The following USP42 variants were observed in gnomAD, a reference collection of about 807,000 sequenced individuals.
The protein encoded by USP42 is ubiquitin carboxyl-terminal hydrolase 42.
USP42 carries 23 observed loss-of-function variants against 113.0 expected under a neutral mutation model. That is an observed-to-expected ratio of 0.20 (90% confidence interval 0.15 to 0.29). USP42 has a LOEUF of 0.29. USP42 is among the 10% of genes least tolerant of loss of function. USP42 has a pLI of 1.00. For synonymous variants in USP42, 933 were observed against 699.0 expected, an observed-to-expected ratio of 1.33 and a Z score of -5.28; for missense variants, 2,174 against 1,779.8, an observed-to-expected ratio of 1.22 and a Z score of -3.99.
chr7:6,090,083 T>C, the USP42 span, among the ~76,000 whole-genome samples: 3 of 147,642 alleles, frequency 2.0e-5, no homozygotes, highest in Admixed American at 6.7e-5. Context: ...GCAGATCACC[T>C]GAGATCGGGA....
At chr7:6,141,201 C>CTTTTTTTTTTTTT (rs903124477) in intron 7 of USP42, among the ~76,000 whole-genome samples, 4 of 123,998 alleles carry the variant, frequency 3.2e-5, no homozygotes, top group Non-Finnish European at 5.1e-5. Flanking sequence ...TTTTTCTTTT[C>CTTTTTTTTTTTTT]TTTTTTTTTT....
the USP42 span, among the ~76,000 whole-genome samples, chr7:6,096,772 T>G: frequency 3.3e-5 from 5 of 151,218 alleles, no homozygotes; most frequent in Admixed American, 2.6e-4. Context: ...GCCCTGTGTT[T>G]TATTAGCCAT....
intron 2 of USP42, among the ~76,000 whole-genome samples, chr7:6,113,959 A>C (rs559687623): frequency 3.9e-5 from 6 of 152,212 alleles, no homozygotes; most frequent in Non-Finnish European, 7.3e-5. Flanking sequence ...GGGACTGCCA[A>C]AGCCTTTGAA....
At chr7:6,103,738 C>A (rs78350515), upstream of USP42, among the ~76,000 whole-genome samples, 287 of 100,780 alleles carry the variant, frequency 2.8e-3, no homozygotes, top group African/African-American at 4.5e-3. Flanking sequence ...CCCGTCTCTA[C>A]AAAAAAAAAA....
rs1283004944 is a variant in USP42, at chr7:6,150,036, G to A, written c.1840G>A (p.Asp614Asn). The change falls in exon 13 of 18, where the codon GAC becomes AAC. Residue 614 changes from aspartate (D) to asparagine (N), a missense_variant. Asp to Asn is a conservative substitution (Grantham distance 23). Transcript: ENST00000306177. ...LVPYGAESSE[D>N]SDEESKGLGK... ...GCCCTATGGCGCCGAGTCCTCTGAG[G>A]ACTCTGACGAGGAGTCAAAGGGGCT... 1 of 1,611,492 alleles carries A rather than the reference G, an allele frequency of 6.2e-7. No individual in the cohort carries two copies. Among genetic ancestry groups the A allele is most frequent in the Non-Finnish European group, 8.5e-7 (1 of 1,178,686 alleles).
intron 2 of USP42, among the ~76,000 whole-genome samples, chr7:6,115,095 T>G (rs771302143): frequency 3.7e-4 from 57 of 152,132 alleles, no homozygotes; most frequent in Non-Finnish European, 6.0e-4. Context: ...TCTGTAACCC[T>G]CTCCCCTTTC....
At position 6,145,746 on chromosome 7, in the gene USP42, T is replaced by C; in HGVS notation, c.1131+90T>C. ...TTGGGGTAGGGAGAGGTGGAACTTT[T>C]ACAGTTAAAATGTGAATACCCGAGG... is the stretch of plus-strand genomic sequence containing the variant. On this transcript the variant is annotated intron_variant, in intron 10 of 17. Coordinates refer to ENST00000306177, the MANE Select transcript of USP42 (RefSeq NM_032172.3). 7 of 1,420,810 alleles carry C rather than the reference T, an allele frequency of 4.9e-6. No individual in the cohort carries two copies. The Admixed American group carries it at 6.2e-5, about 13-fold the overall frequency. The allele number at this position is 1,420,810 out of a possible 1,614,324, so 88.0% of individuals were successfully genotyped here.
the USP42 span, among the ~76,000 whole-genome samples, chr7:6,096,714 T>C: frequency 1.7e-3 from 261 of 151,250 alleles, 2 homozygotes; most frequent in Non-Finnish European, 3.0e-3. Context: ...AGATCCTCCT[T>C]GTCTGCTTAC....
chr7:6,140,978 G>C lies in USP42; in HGVS notation c.789G>C (p.Glu263Asp). Reference sequence around the variant, plus strand: ...ATCCATATCTTGATATAACATTGGAGATAAAGGTAAATTTCATAATTATGG... The same window carrying C: ...ATCCATATCTTGATATAACATTGGACATAAAGGTAAATTTCATAATTATGG... ...TFDPYLDITL[E>D]IKAAQSVNKA... is the part of the protein sequence containing the mutation. Residue 263 changes from glutamate to aspartate, a missense_variant, in exon 7 of 18, where the codon GAG becomes GAC. Transcript: ENST00000306177. 6.6e-7 allele frequency: 1 copy of C among 1,509,498 alleles called. No individual in the cohort carries two copies. Among genetic ancestry groups the C allele is most frequent in the African/African-American group, 1.4e-5 (1 of 71,528 alleles). The allele number at this position is 1,509,498 out of a possible 1,614,324, so 93.5% of individuals were successfully genotyped here. A position where few individuals can be genotyped will look rare whatever the true frequency, so the allele number is the denominator to read the frequency against.
chr7:6,085,397 T>A, the USP42 span: 1 of 150,732 alleles, frequency 6.6e-6, no homozygotes, highest in African/African-American at 2.5e-5. Context: ...AATCCTGGGA[T>A]TTTAGGCGTG....
chr7:6,146,904 G>C (rs1781747333), intron 11 of USP42, among the ~76,000 whole-genome samples: 1 of 152,176 alleles, frequency 6.6e-6, no homozygotes, highest in Non-Finnish European at 1.5e-5. Context: ...CACCTGGCGT[G>C]GTCACAGCCA....
At chr7:6,099,562 G>A in the USP42 span, among the ~76,000 whole-genome samples, 13 of 150,464 alleles carry the variant, frequency 8.6e-5, 1 homozygote, top group South Asian at 1.2e-3. Context: ...TGGGCAGGCG[G>A]GTCTCAAACT....
At chr7:6,115,125 C>T (rs1193544342) in intron 2 of USP42, among the ~76,000 whole-genome samples, 198 bp from the exon 3 acceptor site, 5 of 152,116 alleles carry the variant, frequency 3.3e-5, no homozygotes, top group African/African-American at 4.8e-5. Context: ...AGTTTGTTTA[C>T]TGGAGAAACC....
chr7:6,104,417 C>T (rs986367188), upstream of USP42, among the ~76,000 whole-genome samples: 1 of 152,226 alleles, frequency 6.6e-6, no homozygotes, highest in African/African-American at 2.4e-5. Flanking sequence ...ATAAAGGCTG[C>T]GTCCGCTAGG....
intron 2 of USP42, 23 bp downstream of exon 2, chr7:6,111,397 A>G (rs775948613): frequency 1.9e-6 from 3 of 1,603,800 alleles, no homozygotes; most frequent in Admixed American, 1.7e-5. Flanking sequence ...AAAAGAGAGA[A>G]TTACCGCCAG....
At chr7:6,124,050 A>AT (rs1780386710) in intron 3 of USP42, among the ~76,000 whole-genome samples, 1 of 151,916 alleles carries the variant, frequency 6.6e-6, no homozygotes, top group Admixed American at 6.6e-5. Context: ...TAACTTTTGT[A>AT]TTTTTAGTAG....
chr7:6,148,065 C>T lies in USP42; in HGVS notation c.1386+173C>T, dbSNP rs573056532. ...CAAATATACAGAAAACGGCCGAGCG[C>T]AGTGGCTCAAGCTTGTAATCCCAGC... On this transcript the variant is annotated intron_variant, in intron 12 of 17. Coordinates refer to ENST00000306177, the MANE Select transcript of USP42 (RefSeq NM_032172.3). Among the ~76,000 whole-genome samples, 6 of 152,368 alleles carry T rather than the reference C, an allele frequency of 3.9e-5. No homozygotes were observed. The South Asian group carries it at 6.2e-4, about 16-fold the overall frequency.
rs1316752504 is a variant in USP42 at position 6,139,005 on chromosome 7, CAT to C, written c.554-84_554-83del. 3.7e-6 allele frequency: 3 copies of C among 812,688 alleles called. No homozygotes were observed. Among genetic ancestry groups the C allele is most frequent in the Non-Finnish European group, 5.7e-6 (3 of 525,828 alleles). 50.3% of individuals were successfully genotyped at this position (812,688 alleles called of 1,614,324 possible). ...AAGTATTTGGGAGTTTTCCAACCAACATATTATTATAAGATATATTTTGGGGG... is the reference window on the plus strand; with the variant it reads ...AAGTATTTGGGAGTTTTCCAACCAACATTATTATAAGATATATTTTGGGGG... On this transcript the variant is annotated intron_variant, in intron 4 of 17. Coordinates refer to ENST00000306177, the MANE Select transcript of USP42 (RefSeq NM_032172.3). The surrounding 1 kb of genome is among the most constrained non-coding windows in gnomAD (Gnocchi z 4.5).
At chr7:6,103,041 G>A (rs1790177511), upstream of USP42, among the ~76,000 whole-genome samples, 1 of 150,954 alleles carries the variant, frequency 6.6e-6, no homozygotes, top group South Asian at 2.1e-4. Context: ...GAAAGAGGCA[G>A]TGAGAGAGGA....
Sources: allele counts gnomAD v4.1 joint callset (sites outside exome capture counted in the v4.1 genomes callset), GRCh38; gene constraint gnomAD v4.1.1; non-coding constraint Gnocchi (gnomAD v3.1); transcripts MANE v1.5; gene names NCBI Gene and HGNC (gene_info 2026-07-23, HGNC 2026-07-21).